Variants in EYS observed in about 807,000 individuals in gnomAD.
The protein encoded by EYS is EGF-like photoreceptor maintenance factor, also known as protein eyes shut homolog.
A neutral mutation model predicts 282.1 loss-of-function variants in EYS; 250 were observed. The ratio of observed to expected loss-of-function variants is 0.89; its 90% confidence interval spans 0.80 to 0.98. The LOEUF (loss-of-function observed/expected upper bound fraction) is 0.98. EYS is among the 50% of genes least tolerant of loss of function. The pLI, the probability that EYS is intolerant of heterozygous loss-of-function variation, is 0.00. For synonymous variants in EYS, 1,355 were observed against 1,282.9 expected (o/e 1.06, Z -1.20); for missense variants, 4,016 against 3,709.0 (o/e 1.08, Z -2.15).
chr6:64,018,494 A>C (rs1481730397), intron 33 of EYS, among the ~76,000 whole-genome samples: 1 of 152,176 alleles, frequency 6.6e-6, no homozygotes, highest in Non-Finnish European at 1.5e-5. Context: ...TAGGTTTTGC[A>C]ATTATACAGC....
chr6:65,701,217 A>T (rs1769662039), intron 1 of EYS, among the ~76,000 whole-genome samples: 1 of 152,218 alleles, frequency 6.6e-6, no homozygotes, highest in Non-Finnish European at 1.5e-5. Flanking sequence ...TTATTCTCCC[A>T]TTATTGAATA....
At chr6:64,646,662 C>T (rs768726969) in intron 22 of EYS, among the ~76,000 whole-genome samples, 10 of 151,834 alleles carry the variant, frequency 6.6e-5, no homozygotes, top group Non-Finnish European at 1.5e-4. Context: ...AAACATTAGC[C>T]GGGCGTGGTG....
intron 5 of EYS, among the ~76,000 whole-genome samples, chr6:65,463,315 T>C (rs2150410994): frequency 1.3e-5 from 2 of 152,270 alleles, no homozygotes; most frequent in Middle Eastern, 3.4e-3. Context: ...TCACTGTTCA[T>C]TGCCTGACAC....
intron 8 of EYS, among the ~76,000 whole-genome samples, chr6:65,380,138 CA>C (rs879720270): frequency 2.0e-4 from 31 of 151,302 alleles, no homozygotes; most frequent in Middle Eastern, 6.8e-3. Flanking sequence ...TCATATGCAA[CA>C]AAAAAAAGGC....
intron 16 of EYS, among the ~76,000 whole-genome samples, chr6:64,904,271 C>T (rs1767757439): frequency 6.6e-6 from 1 of 152,148 alleles, no homozygotes; most frequent in Admixed American, 6.6e-5. Context: ...TTACTCAATT[C>T]TCAGAGCCTG....
chr6:65,605,250 A>G (rs1765746227), intron 2 of EYS, among the ~76,000 whole-genome samples: 1 of 152,006 alleles, frequency 6.6e-6, no homozygotes, highest in Non-Finnish European at 1.5e-5. Flanking sequence ...AATTGCATTG[A>G]CATGAATGGT....
intron 19 of EYS, among the ~76,000 whole-genome samples, chr6:64,851,903 C>T (rs1040372232): frequency 6.6e-6 from 1 of 152,056 alleles, no homozygotes; most frequent in African/African-American, 2.4e-5. Context: ...TAATGGTGAT[C>T]TGTACAAGAA....
At chr6:64,754,840 A>C (rs906386756) in intron 22 of EYS, among the ~76,000 whole-genome samples, 1 of 152,196 alleles carries the variant, frequency 6.6e-6, no homozygotes, top group Non-Finnish European at 1.5e-5. Flanking sequence ...CATCATACTG[A>C]ATGGAGAAAA....
intron 29 of EYS, among the ~76,000 whole-genome samples, chr6:64,345,823 A>G (rs1487406955): frequency 6.6e-6 from 1 of 152,144 alleles, no homozygotes; most frequent in African/African-American, 2.4e-5. Flanking sequence ...GCTAATATCC[A>G]GAATCTACAA....
At chr6:65,684,249 A>C (rs1490710177) in intron 1 of EYS, among the ~76,000 whole-genome samples, 2 of 152,086 alleles carry the variant, frequency 1.3e-5, no homozygotes, top group Non-Finnish European at 2.9e-5. Context: ...ACAGTCATGC[A>C]GGATTTAGTT....
At chr6:65,557,201 C>T (rs1450785090) in intron 2 of EYS, among the ~76,000 whole-genome samples, 1 of 152,142 alleles carries the variant, frequency 6.6e-6, no homozygotes, top group African/African-American at 2.4e-5. Context: ...CTGGCACCTG[C>T]TAGGCTTGCT....
At chr6:63,976,117 C>T (rs897976170) in intron 35 of EYS, among the ~76,000 whole-genome samples, 12 of 152,110 alleles carry the variant, frequency 7.9e-5, no homozygotes, top group African/African-American at 2.9e-4. Flanking sequence ...AAAAATGGTA[C>T]ACCTATATAG....
intron 5 of EYS, among the ~76,000 whole-genome samples, chr6:65,461,358 T>G (rs1482735034): frequency 6.6e-6 from 1 of 152,152 alleles, no homozygotes; most frequent in Non-Finnish European, 1.5e-5. Context: ...TAGTCATAGA[T>G]AAGACACATC....
At chr6:65,274,249 A>G (rs1183792488) in intron 12 of EYS, among the ~76,000 whole-genome samples, 1 of 152,228 alleles carries the variant, frequency 6.6e-6, no homozygotes, top group African/African-American at 2.4e-5. Context: ...TATAGTATTT[A>G]TAAAAAGATT....
intron 35 of EYS, among the ~76,000 whole-genome samples, chr6:63,947,438 GATAA>G (rs1765432194): frequency 6.6e-6 from 1 of 151,922 alleles, no homozygotes; most frequent in African/African-American, 2.4e-5. Context: ...CCTTAAAAAT[GATAA>G]ATAATTACTG....
At chr6:64,024,561 A>G (rs1461934655) in intron 33 of EYS, among the ~76,000 whole-genome samples, 1 of 152,160 alleles carries the variant, frequency 6.6e-6, no homozygotes, top group East Asian at 1.9e-4. Flanking sequence ...CACACTGTGG[A>G]AGCTTTGTTC....
At chr6:64,830,684 T>A (rs1738380970) in intron 19 of EYS, among the ~76,000 whole-genome samples, 1 of 152,024 alleles carries the variant, frequency 6.6e-6, no homozygotes, top group Non-Finnish European at 1.5e-5. Context: ...TGATCTTGTC[T>A]ATTTACCCAG....
At position 65,609,510 on chromosome 6, in the gene EYS, G is replaced by C. The variant is rs573104969; in HGVS notation, c.-333+30268C>G. Among the ~76,000 whole-genome samples the C allele has an allele frequency of 9.0e-4, 137 of 152,126 alleles. 1 individual carries two copies. The highest frequency in any genetic ancestry group is 2.6e-3 in the African/African-American group (110 of 41,526). On this transcript the variant is annotated intron_variant, in intron 2 of 42. Transcript: ENST00000503581. ...ACAATTGCAAATCATCTTAAAAGGA[G>C]ATTCTCATTCAGTATAATATAATTT...
chr6:65,650,404 A>G (rs1007332246), intron 1 of EYS, among the ~76,000 whole-genome samples: 8 of 152,190 alleles, frequency 5.3e-5, no homozygotes, highest in African/African-American at 1.9e-4. Flanking sequence ...AACACTATTT[A>G]GCATGCCAGG....
Sources: gnomAD v4.1 joint callset for allele counts (sites outside exome capture counted in the v4.1 genomes callset) on GRCh38, gnomAD v4.1.1 for gene constraint, MANE v1.5 for transcripts, NCBI Gene and HGNC (gene_info 2026-07-23, HGNC 2026-07-21) for gene names.